SOX5: variants seen among roughly 807,000 people sequenced by gnomAD.
The protein encoded by SOX5 is SRY-box transcription factor 5.
SOX5 carries 9 observed loss-of-function variants against 92.0 expected under a neutral mutation model. The ratio of observed to expected loss-of-function variants is 0.10; its 90% CI spans 0.06 to 0.17. The LOEUF (loss-of-function observed/expected upper bound fraction) is 0.17. Ranked by LOEUF, SOX5 falls within the 10% of genes least tolerant of loss-of-function variation. The probability of loss-of-function intolerance (pLI) is 1.00; values close to 1 mark genes in which losing one functional copy is unlikely to be tolerated. For synonymous variants in SOX5, 344 were observed against 336.3 expected (o/e 1.02, Z -0.25); for missense variants, 642 against 944.5 (o/e 0.68, Z 4.20).
intron 1 of SOX5, among the ~76,000 whole-genome samples, chr12:24,463,703 C>CA (rs879367299): frequency 6.6e-6 from 1 of 152,154 alleles, no homozygotes; most frequent in African/African-American, 2.4e-5. Flanking sequence ...GCACTGGTGC[C>CA]ATTGGTTAAG....
intron 1 of SOX5, among the ~76,000 whole-genome samples, chr12:24,446,680 T>A (rs1941529556): frequency 6.6e-6 from 1 of 152,022 alleles, no homozygotes; most frequent in Non-Finnish European, 1.5e-5. Flanking sequence ...AGAAACCAGG[T>A]AAGAGGTCAT....
At chr12:24,360,657 A>T (rs1382707637) in intron 2 of SOX5, among the ~76,000 whole-genome samples, 1 of 152,210 alleles carries the variant, frequency 6.6e-6, no homozygotes, top group African/African-American at 2.4e-5. Flanking sequence ...TGTGGAAATT[A>T]GTAACTACTG....
At chr12:24,377,102 G>C (rs1392895233) in intron 1 of SOX5, among the ~76,000 whole-genome samples, 1 of 152,038 alleles carries the variant, frequency 6.6e-6, no homozygotes, top group Non-Finnish European at 1.5e-5. Context: ...TCATTCATCT[G>C]ACTGAAAACC....
chr12:23,974,148 G>A (rs980350670), intron 4 of SOX5, among the ~76,000 whole-genome samples: 3 of 151,976 alleles, frequency 2.0e-5, no homozygotes, highest in African/African-American at 4.8e-5. Flanking sequence ...AAACATATAC[G>A]AATGTAGTCT....
At chr12:23,826,045 C>CT (rs2096226853) in intron 3 of SOX5, among the ~76,000 whole-genome samples, 1 of 151,748 alleles carries the variant, frequency 6.6e-6, no homozygotes, top group South Asian at 2.1e-4. Flanking sequence ...TTATTATACT[C>CT]TAAGTTTTAG....
chr12:24,528,979 T>C (rs1449014229), intron 1 of SOX5, among the ~76,000 whole-genome samples: 1 of 152,242 alleles, frequency 6.6e-6, no homozygotes, highest in East Asian at 1.9e-4. Context: ...ATTTTACATA[T>C]ATCATCTCAT....
chr12:24,403,195 C>G (rs559838086), intron 1 of SOX5, among the ~76,000 whole-genome samples: 1 of 152,316 alleles, frequency 6.6e-6, no homozygotes, highest in African/African-American at 2.4e-5. Flanking sequence ...TAAAGCATTT[C>G]TGAGCAACTT....
chr12:24,322,974 G>T (rs1565903672), intron 2 of SOX5, among the ~76,000 whole-genome samples: 1 of 151,842 alleles, frequency 6.6e-6, no homozygotes, highest in Non-Finnish European at 1.5e-5. Flanking sequence ...ATTTTATTAA[G>T]GTTTTTTGTT....
At chr12:23,838,119 T>C (rs1356523544) in intron 3 of SOX5, among the ~76,000 whole-genome samples, 6 of 140,580 alleles carry the variant, frequency 4.3e-5, no homozygotes, top group Non-Finnish European at 9.1e-5. Flanking sequence ...TATTTATATT[T>C]ATACAACATA....
chr12:23,741,057 A>G lies in SOX5; in HGVS notation c.569-18T>C, dbSNP rs775945798. On this transcript the variant is annotated intron_variant, in intron 4 of 14. Transcript: ENST00000451604. ...GGGAGTCCCTACAAATCATATAGCA[A>G]TAAAACAGACAAAATAAATGAAAAA... 6.5e-7 allele frequency: 1 copy of G among 1,539,982 alleles called. No individual in the cohort carries two copies.
At chr12:23,672,290 T>G (rs1203824745) in intron 6 of SOX5, among the ~76,000 whole-genome samples, 1 of 152,150 alleles carries the variant, frequency 6.6e-6, no homozygotes, top group Non-Finnish European at 1.5e-5. Flanking sequence ...AGCACAAGCA[T>G]GCACTTGATT....
At chr12:23,759,447 A>ATT (rs2094505465) in intron 3 of SOX5, among the ~76,000 whole-genome samples, 1 of 152,032 alleles carries the variant, frequency 6.6e-6, no homozygotes, top group African/African-American at 2.4e-5. Flanking sequence ...ATCATAAGAC[A>ATT]TCATTTCACC....
rs75445819 is a variant in SOX5 at position 23,992,331 on chromosome 12, C to A, written c.-1-96307G>T. ...TAAATCTGCACAGAAACTAATGTGC[C>A]ACAAAAAAAGATTGCTTCCCTAATC... is the stretch of plus-strand genomic sequence containing the variant. On this transcript the variant is annotated intron_variant, in intron 4 of 4. Coordinates refer to the SOX5 transcript ENST00000446891. Among the ~76,000 whole-genome samples, 160 of 151,996 alleles carry A rather than the reference C, an allele frequency of 1.1e-3. 5 individuals carry two copies. The East Asian group carries it at 0.03, about 28-fold the overall frequency.
At chr12:23,976,424 A>C (rs58831691) in intron 4 of SOX5, among the ~76,000 whole-genome samples, 3 of 147,904 alleles carry the variant, frequency 2.0e-5, no homozygotes, top group Non-Finnish European at 4.5e-5. Context: ...AAAAAAAAAA[A>C]GAAGAGAAGG....
intron 1 of SOX5, among the ~76,000 whole-genome samples, chr12:24,557,364 T>G (rs1157762264): frequency 7.0e-6 from 1 of 142,468 alleles, no homozygotes; most frequent in Admixed American, 7.4e-5. Flanking sequence ...ATAGCGCCAC[T>G]GCACTCCAGC....
At position 24,097,832 on chromosome 12, in the gene SOX5, T is replaced by C. The variant is rs528495347; in HGVS notation, c.-2+115511A>G. 5.9e-5 allele frequency among the ~76,000 whole-genome samples: 9 copies of C among 152,280 alleles called. No individual in the cohort carries two copies. The South Asian group carries it at 1.5e-3, about 25-fold the overall frequency. ...TCCTCTGAAGTTTTATCCTACAGTA[T>C]CTCACTATCTTTATTAAAATGTAAA... On this transcript the variant is annotated intron_variant, in intron 4 of 4. Transcript: ENST00000446891.
At chr12:24,286,734 T>G (rs1945913295) in intron 2 of SOX5, among the ~76,000 whole-genome samples, 1 of 152,100 alleles carries the variant, frequency 6.6e-6, no homozygotes, top group Non-Finnish European at 1.5e-5. Context: ...CAGTACATTA[T>G]GAAAAATAAC....
intron 1 of SOX5, among the ~76,000 whole-genome samples, chr12:24,535,221 C>T (rs1951535717): frequency 6.6e-6 from 1 of 152,202 alleles, no homozygotes; most frequent in Admixed American, 6.5e-5. Context: ...ATAGAGGGCT[C>T]ACTGGAAGAC....
intron 2 of SOX5, among the ~76,000 whole-genome samples, chr12:24,362,931 G>T (rs1443457937): frequency 4.0e-5 from 6 of 149,354 alleles, no homozygotes; most frequent in Non-Finnish European, 7.4e-5. Context: ...AAAGTGTCTT[G>T]ATCCACCAGT....
Sources: gnomAD v4.1 joint callset for allele counts (sites outside exome capture counted in the v4.1 genomes callset) on GRCh38, gnomAD v4.1.1 for gene constraint, MANE v1.5 for transcripts, NCBI Gene and HGNC (gene_info 2026-07-23, HGNC 2026-07-21) for gene names.